CNTN5: variants seen among roughly 807,000 people sequenced by gnomAD.
CNTN5 encodes contactin-5.
CNTN5 carries 77 observed loss-of-function variants against 129.1 expected under a neutral mutation model. The ratio of observed to expected loss-of-function variants is 0.60; its 90% confidence interval spans 0.50 to 0.72. The LOEUF is 0.72. Ranked by LOEUF, CNTN5 falls within the 30% of genes least tolerant of loss-of-function variation. The probability of loss-of-function intolerance (pLI) is 0.00; values close to 1 mark genes in which losing one functional copy is unlikely to be tolerated. For missense variants in CNTN5, 1,478 were observed against 1,328.8 expected (o/e 1.11, Z -1.75); for synonymous variants, 509 against 465.6 (o/e 1.09, Z -1.20).
chr11:100,087,472 C>A (rs967228821), intron 13 of CNTN5, among the ~76,000 whole-genome samples: 6 of 151,680 alleles, frequency 4.0e-5, no homozygotes, highest in East Asian at 1.9e-4. Context: ...ATAACCCTAA[C>A]AACAAAATTT....
At chr11:99,979,482 C>T (rs1938200298) in intron 8 of CNTN5, among the ~76,000 whole-genome samples, 1 of 152,084 alleles carries the variant, frequency 6.6e-6, no homozygotes, top group African/African-American at 2.4e-5. Flanking sequence ...AGTAGAACAT[C>T]CCCAAACCAA....
intron 3 of CNTN5, among the ~76,000 whole-genome samples, chr11:99,623,815 G>T (rs1360448608): frequency 6.6e-5 from 10 of 150,570 alleles, no homozygotes; most frequent in African/African-American, 2.4e-4. Flanking sequence ...TATACTATTT[G>T]ATTTATAAAT....
chr11:99,682,112 ATAAT>A (rs2134721211), intron 3 of CNTN5, among the ~76,000 whole-genome samples: 1 of 152,206 alleles, frequency 6.6e-6, no homozygotes, highest in South Asian at 2.1e-4. Context: ...TTGTTTATGA[ATAAT>A]CTATCATATA....
intron 1 of CNTN5, among the ~76,000 whole-genome samples, chr11:99,248,453 G>A (rs570834201): frequency 2.6e-5 from 4 of 152,068 alleles, no homozygotes; most frequent in African/African-American, 9.7e-5. Context: ...CTGTGCAGAA[G>A]CTCTTTAGTT....
At chr11:100,148,495 T>G (rs528723773) in intron 13 of CNTN5, among the ~76,000 whole-genome samples, 1 of 152,020 alleles carries the variant, frequency 6.6e-6, no homozygotes, top group East Asian at 1.9e-4. Context: ...GGGCACTCAC[T>G]GTTCAAAATA....
intron 3 of CNTN5, among the ~76,000 whole-genome samples, chr11:99,568,411 T>C (rs557823841): frequency 6.6e-6 from 1 of 152,380 alleles, no homozygotes; most frequent in South Asian, 2.1e-4. Context: ...TGTACCACTA[T>C]AATACTGCTG....
At chr11:99,704,914 G>A (rs1458269756) in intron 3 of CNTN5, among the ~76,000 whole-genome samples, 1 of 151,182 alleles carries the variant, frequency 6.6e-6, no homozygotes, top group African/African-American at 2.4e-5. Context: ...ATGTTGCCCG[G>A]GAATTCTTCG....
At chr11:100,074,657 A>G (rs1944056048) in intron 13 of CNTN5, among the ~76,000 whole-genome samples, 1 of 152,226 alleles carries the variant, frequency 6.6e-6, no homozygotes, top group Non-Finnish European at 1.5e-5. Flanking sequence ...ATTTTAATAC[A>G]AATGATAAAA....
chr11:100,018,322 T>C (rs1294030656), intron 9 of CNTN5, among the ~76,000 whole-genome samples: 1 of 151,930 alleles, frequency 6.6e-6, no homozygotes, highest in Non-Finnish European at 1.5e-5. Context: ...CATCCACGCA[T>C]CCTCAACCCC....
intron 3 of CNTN5, among the ~76,000 whole-genome samples, chr11:99,777,328 A>G (rs1945158216): frequency 6.6e-6 from 1 of 151,872 alleles, no homozygotes; most frequent in East Asian, 1.9e-4. Flanking sequence ...ATCTCATCAA[A>G]GAAATAAAAG....
chr11:99,198,355 A>G (rs1216167602), intron 1 of CNTN5, among the ~76,000 whole-genome samples: 1 of 152,154 alleles, frequency 6.6e-6, no homozygotes, highest in Admixed American at 6.5e-5. Context: ...TAATTTTTAA[A>G]AACAGATTAC....
At chr11:99,525,642 G>C (rs750201219) in intron 2 of CNTN5, among the ~76,000 whole-genome samples, 3 of 152,204 alleles carry the variant, frequency 2.0e-5, no homozygotes, top group Non-Finnish European at 2.9e-5. Context: ...AGCTACAAAA[G>C]TTTGAAGAAA....
At chr11:100,276,530 A>G (rs1419464865) in intron 18 of CNTN5, among the ~76,000 whole-genome samples, 1 of 23,068 alleles carries the variant, frequency 4.3e-5, no homozygotes, top group East Asian at 6.6e-3. Context: ...ACTCTCTCAA[A>G]AAAAAAAAAA....
At chr11:99,445,229 T>C (rs1363630024) in intron 2 of CNTN5, among the ~76,000 whole-genome samples, 1 of 151,174 alleles carries the variant, frequency 6.6e-6, no homozygotes, top group African/African-American at 2.4e-5. Context: ...CATATATGTA[T>C]GTATATATCC....
At chr11:99,780,218 TC>T (rs1945266318) in intron 3 of CNTN5, among the ~76,000 whole-genome samples, 1 of 151,996 alleles carries the variant, frequency 6.6e-6, no homozygotes, top group Admixed American at 6.6e-5. Flanking sequence ...TTGCATGCAG[TC>T]CTCTGCAGAA....
At chr11:99,880,164 A>G (rs141221723) in intron 6 of CNTN5, among the ~76,000 whole-genome samples, 234 of 152,322 alleles carry the variant, frequency 1.5e-3, no homozygotes, top group Middle Eastern at 6.8e-3. Context: ...CATATGATCA[A>G]TGAGGCAATT....
At chr11:100,319,485 T>C (rs896769514) in intron 21 of CNTN5, among the ~76,000 whole-genome samples, 4 of 152,202 alleles carry the variant, frequency 2.6e-5, no homozygotes, top group Non-Finnish European at 5.9e-5. Flanking sequence ...TGAAATTATA[T>C]GGATTTATCA....
intron 13 of CNTN5, among the ~76,000 whole-genome samples, chr11:100,092,988 T>C (rs1450835828): frequency 6.6e-6 from 1 of 152,090 alleles, no homozygotes; most frequent in African/African-American, 2.4e-5. Flanking sequence ...AAAGCTAAGT[T>C]CCATCCTCTT....
At position 99,060,180 on chromosome 11, in the gene CNTN5, T is replaced by G. The variant is rs114044143; in HGVS notation, c.-210+38910T>G. On this transcript the variant is annotated intron_variant, in intron 1 of 24. Coordinates refer to ENST00000524871, the MANE Select transcript of CNTN5 (RefSeq NM_014361.4). ...TATGGGCCTGTAAATAAGCTGTTGG[T>G]TAGGAAATATGGAATTTTATTTTGT... Among the ~76,000 whole-genome samples the G allele has an allele frequency of 4.0e-3, 609 of 152,058 alleles. 2 individuals are homozygous for G. The highest frequency in any genetic ancestry group is 0.013 in the African/African-American group (555 of 41,516).
Sources: allele counts gnomAD v4.1 joint callset (sites outside exome capture counted in the v4.1 genomes callset), GRCh38; gene constraint gnomAD v4.1.1; transcripts MANE v1.5; gene names NCBI Gene and HGNC (gene_info 2026-07-23, HGNC 2026-07-21).